Variants in PANX3 observed in about 807,000 individuals in gnomAD.
The protein encoded by PANX3 is pannexin-3.
A neutral mutation model predicts 31.5 loss-of-function variants in PANX3; 18 were observed. That is an observed-to-expected ratio of 0.57 (90% confidence interval 0.39 to 0.85). PANX3 has a LOEUF of 0.85. PANX3 is among the 40% of genes least tolerant of loss of function. The probability of loss-of-function intolerance (pLI) is 0.00; values close to 1 mark genes in which losing one functional copy is unlikely to be tolerated. For synonymous variants in PANX3, 194 were observed against 201.6 expected, an observed-to-expected ratio of 0.96 and a Z score of 0.32; for missense variants, 426 against 485.4, an observed-to-expected ratio of 0.88 and a Z score of 1.15.
intron 3 of PANX3, among the ~76,000 whole-genome samples, chr11:124,618,692 T>G (rs929214317): frequency 6.6e-6 from 1 of 152,210 alleles, no homozygotes; most frequent in African/African-American, 2.4e-5. Context: ...TTGCCCAGGC[T>G]GGAGTGCAGT....
rs1195013237 is a variant in PANX3 at position 124,616,768 on chromosome 11, C to G, written c.325-506C>G. Among the ~76,000 whole-genome samples the G allele has an allele frequency of 6.6e-6, 1 of 152,218 alleles. No individual in the cohort carries two copies. The highest frequency in any genetic ancestry group is 1.9e-4 in the East Asian group (1 of 5,188). ...GCATCAGACAAGTCCAGGAAGGTGA[C>G]AGGGAAGAAATGGGATTTTCTCTCC... On this transcript the variant is annotated intron_variant, in intron 2 of 3. Transcript: ENST00000284288. The surrounding 1 kb of genome is among the most constrained non-coding windows in gnomAD (Gnocchi z 4.8).
rs1006636032 is a variant in PANX3 at position 124,617,265 on chromosome 11, GC to G, written c.325-6del. ...CCGGCCTCCCTCCTCAGCTGCTCTC[GC>G]CCTGCAGGCCCTCCCCTACTCCCTG... On this transcript the variant is annotated splice_region_variant and splice_polypyrimidine_tract_variant and intron_variant, in intron 2 of 3. Coordinates refer to ENST00000284288, the MANE Select transcript of PANX3 (RefSeq NM_052959.3). 6.3e-7 allele frequency: 1 copy of G among 1,599,958 alleles called. No homozygotes were observed. The highest frequency in any genetic ancestry group is 1.3e-5 in the African/African-American group (1 of 74,786).
chr11:124,611,754 A>C lies in PANX3; in HGVS notation c.181+17A>C. ...TCTCCTCTGGTAAGTTGCTTCCAAG[A>C]CCCAGTGCGCAAGAGAGACTCCCCC... On this transcript the variant is annotated intron_variant, in intron 1 of 3. Transcript: ENST00000284288. The C allele has an allele frequency of 6.2e-7, 1 of 1,610,030 alleles. No individual in the cohort carries two copies. Among genetic ancestry groups the C allele is most frequent in the Non-Finnish European group, 8.5e-7 (1 of 1,177,444 alleles).
intron 2 of PANX3, among the ~76,000 whole-genome samples, chr11:124,614,726 G>T (rs1465697069): frequency 7.1e-6 from 1 of 140,908 alleles, no homozygotes; most frequent in Non-Finnish European, 1.5e-5. Flanking sequence ...CCCCAGGCTG[G>T]AGTGCAATGG....
At chr11:124,612,694 T>C (rs1313079034) in intron 1 of PANX3, among the ~76,000 whole-genome samples, 1 of 152,118 alleles carries the variant, frequency 6.6e-6, no homozygotes, top group African/African-American at 2.4e-5. Context: ...AGCCTTCTGG[T>C]ACCAGACTAC....
chr11:124,614,076 C>A (rs1341630173), intron 2 of PANX3, among the ~76,000 whole-genome samples: 1 of 149,326 alleles, frequency 6.7e-6, no homozygotes, highest in Non-Finnish European at 1.5e-5. Context: ...CGTCAAATTG[C>A]CACAGTTCTA....
intron 1 of PANX3, among the ~76,000 whole-genome samples, chr11:124,612,371 G>A (rs887639855): frequency 3.9e-5 from 6 of 152,232 alleles, no homozygotes; most frequent in Non-Finnish European, 8.8e-5. Flanking sequence ...CCTGAGAACT[G>A]AGACTTCTGG....
At chr11:124,618,180 T>C (rs563098103) in intron 3 of PANX3, among the ~76,000 whole-genome samples, 1 of 151,692 alleles carries the variant, frequency 6.6e-6, no homozygotes, top group African/African-American at 2.4e-5. Context: ...GGATGGAGAG[T>C]GGTGTAGCTT....
chr11:124,617,782 A>T lies in PANX3; in HGVS notation c.539+294A>T, dbSNP rs144526835. Among the ~76,000 whole-genome samples the T allele has an allele frequency of 4.9e-3, 746 of 152,324 alleles. 8 individuals carry two copies. Among genetic ancestry groups the T allele is most frequent in the South Asian group, 0.044 (212 of 4,822 alleles). The stretch of plus-strand genomic sequence containing the variant: ...TAGCTCCCTTCATGCCTACCAAAGA[A>T]TACCCAAACTTTCCCAGATATGTGT... On this transcript the variant is annotated intron_variant, in intron 3 of 3. Transcript: ENST00000284288.
In PANX3 at chr11:124,615,450, T is replaced by C. The variant is rs145373336; in HGVS notation, c.325-1824T>C. Among the ~76,000 whole-genome samples, 3 of 152,294 alleles carry C rather than the reference T, an allele frequency of 2.0e-5. No homozygotes were observed. The East Asian group carries it at 5.8e-4, about 29-fold the overall frequency. ...CCCTCTTTTTCTTCAAATTCTCTTCTGAAATAACAAGCCATCCCTGGTTCA... is the reference window on the plus strand; with the variant it reads ...CCCTCTTTTTCTTCAAATTCTCTTCCGAAATAACAAGCCATCCCTGGTTCA... On this transcript the variant is annotated intron_variant, in intron 2 of 3. Transcript: ENST00000284288.
At chr11:124,617,125 C>T (rs1350331376) in intron 2 of PANX3, 149 bp from the exon 3 acceptor site, 2 of 661,438 alleles carry the variant, frequency 3.0e-6, no homozygotes, top group African/African-American at 3.6e-5. Flanking sequence ...CAGTAGGGTG[C>T]CTCAGGGGCT....
Position 124,617,282 on chromosome 11 carries a change from C to T in PANX3, c.333C>T (p.Pro111=), listed in dbSNP as rs770843463. ...CTGCTCTCGCCCTGCAGGCCCTCCC[C>T]TACTCCCTGCTGGCCCTGGCCTTGC... The part of the protein sequence containing the change: ...MKSLWPHKAL[P]YSLLALALLM... Residue 111 remains proline, a synonymous_variant, in exon 3 of 4, where the codon CCC becomes CCT. Coordinates refer to ENST00000284288, the MANE Select transcript of PANX3 (RefSeq NM_052959.3). 7.5e-6 allele frequency: 12 copies of T among 1,604,794 alleles called. No individual in the cohort carries two copies. The African/African-American group carries it at 1.5e-4, about 20-fold the overall frequency.
At position 124,611,626 on chromosome 11, in the gene PANX3, C is replaced by T. The variant is rs267602763; in HGVS notation, c.70C>T (p.Arg24Cys). The T allele has an allele frequency of 9.3e-6, 15 of 1,614,150 alleles. No individual in the cohort carries two copies. The highest frequency in any genetic ancestry group is 1.3e-5 in the Non-Finnish European group (15 of 1,180,000). ...DALLPDRRGP[R>C]LKGLRLELPL... ...CCTGCTGCCTGACCGCAGGGGACCCCGCCTCAAAGGACTGCGTCTGGAACT... is the reference window on the plus strand; with the variant it reads ...CCTGCTGCCTGACCGCAGGGGACCCTGCCTCAAAGGACTGCGTCTGGAACT... Residue 24 changes from arginine to cysteine, a missense_variant, in exon 1 of 4, where the codon CGC (arginine) becomes TGC (cysteine). By Grantham distance (180) the Arg-to-Cys change is radical (BLOSUM62 -3). Transcript: ENST00000284288.
intron 3 of PANX3, 101 bp downstream of exon 3, chr11:124,617,589 A>G: frequency 2.6e-6 from 3 of 1,145,194 alleles, no homozygotes; most frequent in Non-Finnish European, 3.9e-6. Context: ...CATCCTTCTC[A>G]AGAAGGCAAA....
At position 124,613,486 on chromosome 11, in the gene PANX3, G is replaced by T. The variant is rs549145019; in HGVS notation, c.324+364G>T. Among the ~76,000 whole-genome samples, 54 of 152,244 alleles carry T rather than the reference G, an allele frequency of 3.5e-4. No individual in the cohort carries two copies. The South Asian group carries it at 9.7e-3, about 27-fold the overall frequency. On this transcript the variant is annotated intron_variant, in intron 2 of 3. Transcript: ENST00000284288. ...TGTGGGGAGGGGCGGGGTGCAGTTGGAATTAAGCCAGGCTGCCAACCCTCT... is the reference window on the plus strand; with the variant it reads ...TGTGGGGAGGGGCGGGGTGCAGTTGTAATTAAGCCAGGCTGCCAACCCTCT...
intron 3 of PANX3, 64 bp downstream of exon 3, chr11:124,617,552 T>G (rs933754610): frequency 2.7e-6 from 4 of 1,497,640 alleles, no homozygotes; most frequent in Non-Finnish European, 3.7e-6. Flanking sequence ...TAACTTTGCA[T>G]AGTCATCTTT....
At chr11:124,619,164 C>T (rs369365067) in intron 3 of PANX3, 132 bp from the exon 4 acceptor site, 8 of 962,232 alleles carry the variant, frequency 8.3e-6, no homozygotes, top group East Asian at 4.9e-5. Flanking sequence ...TGGTTATGCT[C>T]GGGAAGACAG....
chr11:124,615,360 T>G (rs966269682), intron 2 of PANX3, among the ~76,000 whole-genome samples: 1 of 152,128 alleles, frequency 6.6e-6, no homozygotes, highest in African/African-American at 2.4e-5. Flanking sequence ...GGATTACAGG[T>G]GTGAGCCACT....
At chr11:124,614,678 T>C (rs1317225108) in intron 2 of PANX3, among the ~76,000 whole-genome samples, 1 of 142,690 alleles carries the variant, frequency 7.0e-6, no homozygotes, top group African/African-American at 2.6e-5. Context: ...TTCTTTTTTT[T>C]TTTTTTTTTT....
Sources: allele counts gnomAD v4.1 joint callset (sites outside exome capture counted in the v4.1 genomes callset), GRCh38; gene constraint gnomAD v4.1.1; non-coding constraint Gnocchi (gnomAD v3.1); transcripts MANE v1.5; gene names NCBI Gene and HGNC (gene_info 2026-07-23, HGNC 2026-07-21).